The following SOX6 variants were observed in gnomAD, a reference collection of about 807,000 sequenced individuals.
The protein encoded by SOX6 is SRY-box transcription factor 6, also known as transcription factor SOX-6.
In SOX6, 11 loss-of-function variants were observed where a neutral mutation model predicts 97.8. The observed-to-expected ratio is 0.11, with a 90% CI of 0.07 to 0.19. The LOEUF is 0.19. Ranked by LOEUF, SOX6 falls within the 10% of genes least tolerant of loss-of-function variation. The pLI is 1.00. For missense variants in SOX6, 810 were observed against 1,039.5 expected, an observed-to-expected ratio of 0.78 and a Z score of 3.04; for synonymous variants, 360 against 371.4, an observed-to-expected ratio of 0.97 and a Z score of 0.35.
chr11:16,289,062 A>T (rs1854832689), intron 3 of SOX6, among the ~76,000 whole-genome samples: 1 of 151,974 alleles, frequency 6.6e-6, no homozygotes, highest in Non-Finnish European at 1.5e-5. Context: ...TGAGAAAAAA[A>T]TTAAGTAATG....
chr11:16,002,445 G>A (rs564976124), intron 13 of SOX6, among the ~76,000 whole-genome samples: 1 of 152,146 alleles, frequency 6.6e-6, no homozygotes, highest in Non-Finnish European at 1.5e-5. Flanking sequence ...TAGCTAAACA[G>A]AGTCCTTTAT....
chr11:16,439,931 G>C (rs1037119055), intron 1 of SOX6, among the ~76,000 whole-genome samples: 1 of 152,142 alleles, frequency 6.6e-6, no homozygotes, highest in African/African-American at 2.4e-5. Context: ...TATTTCTGAA[G>C]TGTCTAGATT....
At chr11:16,014,791 C>T in intron 13 of SOX6, 151 bp downstream of exon 13, 1 of 724,616 alleles carries the variant, frequency 1.4e-6, no homozygotes, top group East Asian at 2.7e-5. Context: ...AACTTACATA[C>T]ATACGTAGTT....
chr11:16,312,724 T>C (rs961993025), intron 3 of SOX6: 4 of 152,200 alleles, frequency 2.6e-5, no homozygotes, highest in South Asian at 2.1e-4. Context: ...ATTAAATATA[T>C]GTATTTAGAT....
intron 1 of SOX6, among the ~76,000 whole-genome samples, chr11:16,433,578 T>A (rs1212192576): frequency 1.3e-5 from 2 of 152,110 alleles, no homozygotes; most frequent in Non-Finnish European, 2.9e-5. Context: ...ATCAGTCCTA[T>A]AAATAACAGC....
At chr11:16,274,748 C>G (rs538796512) in intron 3 of SOX6, among the ~76,000 whole-genome samples, 2 of 152,242 alleles carry the variant, frequency 1.3e-5, no homozygotes, top group South Asian at 4.1e-4. Flanking sequence ...AGGTCACAAT[C>G]AAACTTGTTC....
intron 1 of SOX6, among the ~76,000 whole-genome samples, chr11:16,454,353 T>C (rs1332316503): frequency 6.6e-6 from 1 of 152,072 alleles, no homozygotes; most frequent in African/African-American, 2.4e-5. Flanking sequence ...ACACTCCTTC[T>C]TCCAAAATAA....
chr11:16,036,162 C>T (rs1335294607), intron 12 of SOX6, among the ~76,000 whole-genome samples: 2 of 151,648 alleles, frequency 1.3e-5, no homozygotes, highest in Non-Finnish European at 2.9e-5. Context: ...TCACCGCAAC[C>T]TCTGCCTCCT....
intron 4 of SOX6, among the ~76,000 whole-genome samples, chr11:16,581,613 A>G (rs906975124): frequency 1.3e-5 from 2 of 152,110 alleles, no homozygotes; most frequent in Non-Finnish European, 2.9e-5. Context: ...GTGTAAAATA[A>G]AATTTTAAAA....
At chr11:16,520,848 T>G (rs769477929) in intron 4 of SOX6, among the ~76,000 whole-genome samples, 3 of 152,176 alleles carry the variant, frequency 2.0e-5, no homozygotes, top group Non-Finnish European at 4.4e-5. Context: ...GCTCAGAGGG[T>G]TCTACGCCCA....
At chr11:16,490,145 G>T (rs1860488951) in intron 4 of SOX6, among the ~76,000 whole-genome samples, 2 of 151,970 alleles carry the variant, frequency 1.3e-5, no homozygotes, top group Non-Finnish European at 1.5e-5. Context: ...TTTAAGCTTT[G>T]ATAGCCATAT....
At chr11:16,065,231 T>C (rs192082659) in intron 9 of SOX6, among the ~76,000 whole-genome samples, 1 of 151,938 alleles carries the variant, frequency 6.6e-6, no homozygotes, top group East Asian at 1.9e-4. Flanking sequence ...CAGTGAACAA[T>C]CTGAAAAAGA....
chr11:16,093,582 C>A (rs898900424), intron 9 of SOX6, among the ~76,000 whole-genome samples: 2 of 151,852 alleles, frequency 1.3e-5, no homozygotes, highest in African/African-American at 4.8e-5. Context: ...AACACCATTT[C>A]TGAGTAATGC....
chr11:16,352,886 C>A (rs1002846972), intron 1 of SOX6, among the ~76,000 whole-genome samples: 1 of 151,994 alleles, frequency 6.6e-6, no homozygotes, highest in Non-Finnish European at 1.5e-5. Context: ...AACTGTCATT[C>A]TGGGCAATTT....
chr11:15,983,804 C>T (rs926940455), intron 15 of SOX6, among the ~76,000 whole-genome samples: 2 of 151,994 alleles, frequency 1.3e-5, no homozygotes, highest in East Asian at 1.9e-4. Context: ...ATGATCCTTC[C>T]ATAAAGGACT....
intron 1 of SOX6, among the ~76,000 whole-genome samples, chr11:16,413,148 G>A (rs555631782): frequency 2.0e-5 from 3 of 152,318 alleles, no homozygotes; most frequent in East Asian, 3.9e-4. Context: ...TTTAATAGCA[G>A]TTGCACAGCA....
chr11:16,526,006 A>G (rs1304307106), intron 4 of SOX6, among the ~76,000 whole-genome samples: 1 of 152,204 alleles, frequency 6.6e-6, no homozygotes, highest in Non-Finnish European at 1.5e-5. Context: ...GAGGATGTGG[A>G]GAAATAGGAA....
chr11:16,653,993 A>C (rs1376326179), intron 3 of SOX6, among the ~76,000 whole-genome samples: 1 of 152,036 alleles, frequency 6.6e-6, no homozygotes, highest in Non-Finnish European at 1.5e-5. Context: ...TAAATTTACC[A>C]CTATATTTTA....
chr11:16,241,064 G>A (rs975167417), intron 3 of SOX6, among the ~76,000 whole-genome samples: 3 of 151,992 alleles, frequency 2.0e-5, no homozygotes, highest in African/African-American at 7.2e-5. Flanking sequence ...AACCAATAGT[G>A]GTCAACTGCC....
Sources: allele counts gnomAD v4.1 joint callset (sites outside exome capture counted in the v4.1 genomes callset), GRCh38; gene constraint gnomAD v4.1.1; transcripts MANE v1.5; gene names NCBI Gene and HGNC (gene_info 2026-07-23, HGNC 2026-07-21).